Variants in COX5A observed in about 807,000 individuals in gnomAD.
COX5A encodes the protein cytochrome c oxidase subunit 5A, also known as cytochrome c oxidase subunit 5A, mitochondrial.
A neutral mutation model predicts 16.1 loss-of-function variants in COX5A; 6 were observed. The ratio of observed to expected loss-of-function variants is 0.37; its 90% CI spans 0.20 to 0.73. The LOEUF is 0.73. Among genes scored for constraint, COX5A ranks in the 30% least tolerant of loss-of-function variants. COX5A has a pLI of 0.50. For missense variants in COX5A, 159 were observed against 194.9 expected (o/e 0.82, Z 1.10); for synonymous variants, 73 against 73.8 (o/e 0.99, Z 0.06).
chr15:74,925,399 T>A (rs997892908), intron 3 of COX5A, among the ~76,000 whole-genome samples: 2 of 152,060 alleles, frequency 1.3e-5, no homozygotes, highest in Non-Finnish European at 2.9e-5. Flanking sequence ...ATATATATAT[T>A]TTTTGAGATG....
chr15:74,936,608 A>G (rs2065391086), intron 1 of COX5A, among the ~76,000 whole-genome samples: 1 of 151,484 alleles, frequency 6.6e-6, no homozygotes. Context: ...AAAATGAATG[A>G]AGCAAAACAT....
intron 1 of COX5A, among the ~76,000 whole-genome samples, chr15:74,932,079 G>C (rs1048344043): frequency 6.6e-6 from 1 of 152,114 alleles, no homozygotes; most frequent in Admixed American, 6.6e-5. Context: ...CTGTAAAATG[G>C]GGACGCTACC....
chr15:74,936,019 G>A (rs747885659), intron 1 of COX5A, among the ~76,000 whole-genome samples: 3 of 152,012 alleles, frequency 2.0e-5, no homozygotes, highest in Non-Finnish European at 4.4e-5. Context: ...GGCCAGGTGT[G>A]GTGTCTCACG....
At chr15:74,921,697 T>A (rs2141269420) in intron 4 of COX5A, among the ~76,000 whole-genome samples, 1 of 152,320 alleles carries the variant, frequency 6.6e-6, no homozygotes, top group South Asian at 2.1e-4. Flanking sequence ...GCCACTGTAC[T>A]CCAGCCTGGG....
intron 2 of COX5A, among the ~76,000 whole-genome samples, chr15:74,928,405 G>T (rs1207877630): frequency 6.6e-6 from 1 of 151,156 alleles, no homozygotes; most frequent in Non-Finnish European, 1.5e-5. Context: ...TTTTTTCTGA[G>T]ACAGAGTCTC....
At chr15:74,937,495 G>A (rs1027378569) in intron 1 of COX5A, among the ~76,000 whole-genome samples, 3 of 152,182 alleles carry the variant, frequency 2.0e-5, no homozygotes, top group South Asian at 2.1e-4. Context: ...CCATACGGAA[G>A]TATATTGTGT....
intron 1 of COX5A, among the ~76,000 whole-genome samples, chr15:74,937,042 T>C (rs1389990670): frequency 1.3e-5 from 2 of 152,142 alleles, no homozygotes; most frequent in Non-Finnish European, 2.9e-5. Flanking sequence ...TAAAATATAA[T>C]ATGCATGCAT....
intron 1 of COX5A, among the ~76,000 whole-genome samples, chr15:74,932,070 T>G (rs1168463287): frequency 1.3e-5 from 2 of 152,244 alleles, no homozygotes; most frequent in African/African-American, 4.8e-5. Flanking sequence ...TTTCCTTATC[T>G]GTAAAATGGG....
chr15:74,936,743 C>T (rs1393542404), intron 1 of COX5A, among the ~76,000 whole-genome samples: 3 of 147,136 alleles, frequency 2.0e-5, no homozygotes, highest in Non-Finnish European at 4.4e-5. Flanking sequence ...TCTTGTGCTT[C>T]AGCCTCCCGA....
At chr15:74,932,773 T>C (rs2065372923) in intron 1 of COX5A, among the ~76,000 whole-genome samples, 1 of 151,722 alleles carries the variant, frequency 6.6e-6, no homozygotes, top group Non-Finnish European at 1.5e-5. Flanking sequence ...TTCGGCTCAC[T>C]GCAACCTCCA....
intron 2 of COX5A, among the ~76,000 whole-genome samples, chr15:74,927,815 G>A (rs2065350683): frequency 6.6e-6 from 1 of 152,006 alleles, no homozygotes; most frequent in Admixed American, 6.6e-5. Context: ...AAATAAAAGA[G>A]ATTCAACTGG....
intron 3 of COX5A, among the ~76,000 whole-genome samples, chr15:74,925,946 A>C (rs1219065605): frequency 6.9e-6 from 1 of 145,450 alleles, no homozygotes; most frequent in South Asian, 2.2e-4. Flanking sequence ...GCTCACTGCT[A>C]CCTCCGCCTC....
intron 4 of COX5A, among the ~76,000 whole-genome samples, chr15:74,921,912 T>C (rs1056135922): frequency 2.0e-5 from 3 of 151,790 alleles, no homozygotes; most frequent in African/African-American, 7.3e-5. Context: ...AAAAGACCAT[T>C]GCTTTTGGCT....
intron 1 of COX5A, among the ~76,000 whole-genome samples, chr15:74,933,419 A>ATATCTATCTATC (rs56686416): frequency 1.3e-3 from 188 of 143,502 alleles, no homozygotes; most frequent in African/African-American, 3.3e-3. Flanking sequence ...AAAAAAAAAA[A>ATATCTATCTATC]TATCTATCTA....
rs2065312445 is a variant in COX5A, at chr15:74,919,810, T to TA, written c.*641dup. The TA allele has an allele frequency of 6.6e-6, 1 of 152,328 alleles. No homozygotes were observed. The highest frequency in any genetic ancestry group is 2.4e-5 in the African/African-American group (1 of 41,454). 9.4% of individuals were successfully genotyped at this position (152,328 alleles called of 1,614,324 possible). A position where few individuals can be genotyped will look rare whatever the true frequency, so the allele number is the denominator to read the frequency against. On this transcript the variant is annotated 3_prime_UTR_variant, in exon 5 of 5. Coordinates refer to ENST00000322347, the MANE Select transcript of COX5A (RefSeq NM_004255.4). ...GCAGGATTTGTTTTACTCAGCTGTTTAATCAGAATGCCTCCAAATTTACAA... is the reference window on the plus strand; with the variant it reads ...GCAGGATTTGTTTTACTCAGCTGTTTAAATCAGAATGCCTCCAAATTTACAA...
chr15:74,935,608 A>AAAATAAAT (rs1555407299), intron 1 of COX5A, among the ~76,000 whole-genome samples: 1 of 147,082 alleles, frequency 6.8e-6, no homozygotes. Flanking sequence ...CCAAAAAAAA[A>AAAATAAAT]AAATAAATAA....
At chr15:74,931,548 T>C (rs889377992) in intron 1 of COX5A, among the ~76,000 whole-genome samples, 6 of 147,962 alleles carry the variant, frequency 4.1e-5, no homozygotes, top group Admixed American at 2.0e-4. Flanking sequence ...ATGAAAAGCA[T>C]TTCCATTTTT....
In COX5A at chr15:74,924,508, G is replaced by A. The variant is rs530220965; in HGVS notation, c.340-738C>T. Among the ~76,000 whole-genome samples the A allele has an allele frequency of 8.6e-4, 129 of 150,124 alleles. 1 individual carries two copies. Among genetic ancestry groups the A allele is most frequent in the African/African-American group, 2.6e-3 (108 of 41,038 alleles). The stretch of plus-strand genomic sequence containing the variant: ...TACACTCCAGCCTAGGGGACAGAGC[G>A]AGACTCTGTCTCAAAAAAATAATAA... On this transcript the variant is annotated intron_variant, in intron 3 of 4. Transcript: ENST00000322347.
At chr15:74,924,521 A>C (rs1168530811) in intron 3 of COX5A, among the ~76,000 whole-genome samples, 2 of 119,240 alleles carry the variant, frequency 1.7e-5, no homozygotes, top group East Asian at 4.1e-4. Context: ...ACTCTGTCTC[A>C]AAAAAATAAT....
Sources: allele counts gnomAD v4.1 joint callset (sites outside exome capture counted in the v4.1 genomes callset), GRCh38; gene constraint gnomAD v4.1.1; transcripts MANE v1.5; gene names NCBI Gene and HGNC (gene_info 2026-07-23, HGNC 2026-07-21).